The following NF1 variants were observed in gnomAD, a reference collection of about 807,000 sequenced individuals.
NF1 encodes neurofibromin.
NF1 carries 122 observed loss-of-function variants against 325.7 expected under a neutral mutation model. That is an observed-to-expected ratio of 0.37 (90% CI 0.32 to 0.44). NF1 has a LOEUF of 0.44. Among genes scored for constraint, NF1 ranks in the 20% least tolerant of loss-of-function variants. NF1 has a pLI of 1.00. For synonymous variants in NF1, 1,091 were observed against 1,186.0 expected, an observed-to-expected ratio of 0.92 and a Z score of 1.65; for missense variants, 2,140 against 3,415.4, an observed-to-expected ratio of 0.63 and a Z score of 9.31.
At chr17:31,156,679 C>G (rs1597626739) in intron 2 of NF1, among the ~76,000 whole-genome samples, 1 of 152,264 alleles carries the variant, frequency 6.6e-6, no homozygotes, top group Admixed American at 6.5e-5. Flanking sequence ...TTCTCAAATA[C>G]CAGTTTCATC....
intron 5 of NF1, among the ~76,000 whole-genome samples, chr17:31,175,742 G>C (rs571101737): frequency 6.6e-6 from 1 of 152,122 alleles, no homozygotes; most frequent in East Asian, 1.9e-4. Flanking sequence ...TGTTCTTATG[G>C]TTCATCTCCC....
chr17:31,152,800 T>C (rs1917042473), intron 1 of NF1, among the ~76,000 whole-genome samples: 1 of 152,044 alleles, frequency 6.6e-6, no homozygotes, highest in Admixed American at 6.6e-5. Context: ...TTTTGGAAAC[T>C]TTGATTTTCT....
chr17:31,321,631 C>T (rs183948727), intron 36 of NF1: 1 of 151,928 alleles, frequency 6.6e-6, no homozygotes, highest in Admixed American at 6.5e-5. Flanking sequence ...AGGATATGTG[C>T]AGCTAGTTTT....
chr17:31,172,359 C>G (rs529791006), intron 5 of NF1, among the ~76,000 whole-genome samples: 27 of 151,930 alleles, frequency 1.8e-4, no homozygotes, highest in East Asian at 9.7e-4. Flanking sequence ...CTGTCTCTCT[C>G]TCTCTCTCTC....
At chr17:31,183,165 A>G (rs2066169131) in intron 8 of NF1, 2 of 273,858 alleles carry the variant, frequency 7.3e-6, no homozygotes, top group Non-Finnish European at 1.4e-5. Flanking sequence ...CACCATGACA[A>G]CTGGTAATTC....
At chr17:31,181,559 A>G in intron 6 of NF1, 70 bp downstream of exon 6, 1 of 1,468,924 alleles carries the variant, frequency 6.8e-7, no homozygotes, top group African/African-American at 1.4e-5. Flanking sequence ...AGCATCCTGA[A>G]TCAAAAAGTT....
intron 1 of NF1, among the ~76,000 whole-genome samples, chr17:31,155,529 T>A (rs1235145764): frequency 6.6e-6 from 1 of 152,212 alleles, no homozygotes; most frequent in Non-Finnish European, 1.5e-5. Flanking sequence ...ATTTTCTTGA[T>A]CTGTTTTTCT....
chr17:31,095,556 G>A, intron 1 of NF1, 187 bp downstream of exon 1: 1 of 558,042 alleles, frequency 1.8e-6, no homozygotes, highest in South Asian at 2.0e-5. Flanking sequence ...GGTAGGAGGG[G>A]ACAGCTGGGA....
chr17:31,148,418 A>T (rs1421826702), intron 1 of NF1, among the ~76,000 whole-genome samples: 5 of 148,572 alleles, frequency 3.4e-5, no homozygotes, highest in Non-Finnish European at 7.4e-5. Context: ...TTTCCTCCAG[A>T]CATAGAAGCA....
intron 38 of NF1, among the ~76,000 whole-genome samples, chr17:31,328,578 A>G (rs1431645715): frequency 6.6e-6 from 1 of 152,160 alleles, no homozygotes; most frequent in African/African-American, 2.4e-5. Flanking sequence ...TATACTTAGT[A>G]AGTAGTATTT....
intron 36 of NF1, chr17:31,308,089 G>C (rs536080572): frequency 1.7e-5 from 5 of 296,686 alleles, no homozygotes; most frequent in African/African-American, 8.7e-5. Flanking sequence ...TGCATGATCA[G>C]GTTACTACTG....
intron 36 of NF1, among the ~76,000 whole-genome samples, chr17:31,279,272 G>T (rs1042333395): frequency 3.3e-5 from 5 of 152,160 alleles, no homozygotes; most frequent in African/African-American, 1.2e-4. Context: ...GTTTTGAAAT[G>T]AATTTATGTA....
In NF1 at chr17:31,336,224, A is replaced by G. The variant is rs879218652; in HGVS notation, c.6007-109A>G. On this transcript the variant is annotated intron_variant, in intron 40 of 57. Coordinates refer to ENST00000358273, the MANE Select transcript of NF1 (RefSeq NM_001042492.3). The surrounding 1 kb of genome is among the most constrained non-coding windows in gnomAD (Gnocchi z 5.5). ...TAAAATCTAGTATTTTTGAGGCCTC[A>G]GGTAAAATAGAATTTTCATATTGAT... The G allele has an allele frequency of 8.6e-7, 1 of 1,166,612 alleles. No individual in the cohort carries two copies. The highest frequency in any genetic ancestry group is 1.4e-5 in the South Asian group (1 of 73,494). 72.3% of individuals were successfully genotyped at this position (1,166,612 alleles called of 1,614,324 possible). A position where few individuals can be genotyped will look rare whatever the true frequency, so the allele number is the denominator to read the frequency against.
intron 1 of NF1, among the ~76,000 whole-genome samples, chr17:31,121,528 G>A (rs1437608831): frequency 5.9e-5 from 9 of 151,444 alleles, no homozygotes; most frequent in African/African-American, 2.2e-4. Flanking sequence ...AGCCTCCCGA[G>A]TAGCTGGGAC....
chr17:31,262,741 A>G (rs2067706717), intron 35 of NF1, among the ~76,000 whole-genome samples: 1 of 152,224 alleles, frequency 6.6e-6, no homozygotes, highest in African/African-American at 2.4e-5. Context: ...GTATGGGTAT[A>G]TAGTGTCCTT....
At chr17:31,220,711 AAAAG>A (rs1030708184) in intron 14 of NF1, among the ~76,000 whole-genome samples, 1 of 152,164 alleles carries the variant, frequency 6.6e-6, no homozygotes, top group African/African-American at 2.4e-5. Context: ...AAATACAAAA[AAAAG>A]AAGGCAATAT....
chr17:31,186,122 A>T (rs1488207840), intron 8 of NF1, among the ~76,000 whole-genome samples: 1 of 152,096 alleles, frequency 6.6e-6, no homozygotes, highest in Non-Finnish European at 1.5e-5. Context: ...ATCAAGTGGA[A>T]GTGGTACATA....
At chr17:31,198,002 A>G (rs1414385630) in intron 8 of NF1, among the ~76,000 whole-genome samples, 2 of 152,122 alleles carry the variant, frequency 1.3e-5, no homozygotes, top group Admixed American at 1.3e-4. Flanking sequence ...GTGTTTTTTT[A>G]TCATAACAGG....
At chr17:31,322,950 C>T (rs564731972) in intron 36 of NF1, among the ~76,000 whole-genome samples, 103 of 152,228 alleles carry the variant, frequency 6.8e-4, no homozygotes, top group African/African-American at 2.4e-3. Context: ...TTTCGGTAGC[C>T]CTGAATCCTT....
Sources: allele counts gnomAD v4.1 joint callset (sites outside exome capture counted in the v4.1 genomes callset), GRCh38; gene constraint gnomAD v4.1.1; non-coding constraint Gnocchi (gnomAD v3.1); transcripts MANE v1.5; gene names NCBI Gene and HGNC (gene_info 2026-07-23, HGNC 2026-07-21).